OCIAD1: variants seen among roughly 807,000 people sequenced by gnomAD.
OCIAD1 encodes the protein OCIA domain containing 1.
OCIAD1 carries 29 observed loss-of-function variants against 38.9 expected under a neutral mutation model. The ratio of observed to expected loss-of-function variants is 0.74; its 90% CI spans 0.55 to 1.02. The LOEUF (loss-of-function observed/expected upper bound fraction) is 1.02, where lower values mean the gene tolerates loss of function less well. OCIAD1 is among the 50% of genes least tolerant of loss of function. OCIAD1 has a pLI of 0.00. For synonymous variants in OCIAD1, 110 were observed against 92.0 expected (o/e 1.20, Z -1.12); for missense variants, 288 against 289.6 (o/e 0.99, Z 0.04).
chr4:48,817,183 G>A (rs1342527184), intron 1 of OCIAD1, among the ~76,000 whole-genome samples: 1 of 152,230 alleles, frequency 6.6e-6, no homozygotes, highest in Non-Finnish European at 1.5e-5. Context: ...GGAAGTGTAA[G>A]GAGCCAGGAA....
rs1350249858 is a variant in OCIAD1, at chr4:48,815,245, G to A, written c.-103+9915G>A. ...GGAGAATTGCTTGAAACCAGAAGGC[G>A]GAGGTTGCAGTGATCTGAGGTCGCG... On this transcript the variant is annotated intron_variant, in intron 1 of 6. Transcript: ENST00000504654. Among the ~76,000 whole-genome samples the A allele has an allele frequency of 7.9e-5, 12 of 152,272 alleles. No individual in the cohort carries two copies. In the East Asian group the frequency reaches 1.4e-3, roughly 17 times the overall value.
rs552803714 is a variant in OCIAD1, at chr4:48,817,516, C to T, written c.-103+12186C>T. The stretch of plus-strand genomic sequence containing the variant: ...ACTGGGGGGCTGTTTGGGCAGACAC[C>T]GAGCTAACTGCAGAAGTATTTTTTC... On this transcript the variant is annotated intron_variant, in intron 1 of 6. Transcript: ENST00000504654. Among the ~76,000 whole-genome samples the T allele has an allele frequency of 4.4e-4, 67 of 152,110 alleles. No individual in the cohort carries two copies. In the South Asian group the frequency reaches 8.9e-3, roughly 20 times the overall value.
chr4:48,841,431 G>A (rs1778524587), intron 3 of OCIAD1, among the ~76,000 whole-genome samples: 1 of 152,212 alleles, frequency 6.6e-6, no homozygotes, highest in African/African-American at 2.4e-5. Context: ...CTCTTCCCAG[G>A]GAGTGTAAAT....
intron 1 of OCIAD1, among the ~76,000 whole-genome samples, chr4:48,807,469 A>G (rs189390023): frequency 6.6e-6 from 1 of 152,212 alleles, no homozygotes; most frequent in African/African-American, 2.4e-5. Context: ...TGAGGATAAT[A>G]GTACCAAGTA....
At position 48,857,259 on chromosome 4, in the gene OCIAD1, A is replaced by G. The variant is rs1201211174; in HGVS notation, c.594A>G (p.Thr198=). The G allele has an allele frequency of 6.3e-7, 1 of 1,584,724 alleles. No homozygotes were observed. Among genetic ancestry groups the G allele is most frequent in the African/African-American group, 1.4e-5 (1 of 73,436 alleles). ...LEESPKRKNI[T]YEELRNKNRE... ...AAAGTCCTAAAAGAAAAAATATTAC[A>G]TATGAGGAATTAAGGAATAAGAACA... Residue 198 remains threonine, a synonymous_variant, in exon 8 of 9, where the codon ACA becomes ACG. Coordinates refer to ENST00000264312, the MANE Select transcript of OCIAD1 (RefSeq NM_017830.4).
intron 3 of OCIAD1, among the ~76,000 whole-genome samples, chr4:48,840,596 T>G (rs1778422997): frequency 6.6e-6 from 1 of 152,242 alleles, no homozygotes; most frequent in Non-Finnish European, 1.5e-5. Flanking sequence ...CTTAATTACT[T>G]TGGTTCTTAA....
At chr4:48,847,973 A>G (rs115969086) in intron 4 of OCIAD1, among the ~76,000 whole-genome samples, 2,625 of 151,756 alleles carry the variant, frequency 0.017, 74 homozygotes, top group African/African-American at 0.059. Context: ...GGGTCTTTCA[A>G]TTCTCAGTAA....
In OCIAD1 at chr4:48,839,101, A is replaced by G. The variant is rs1327027919; in HGVS notation, c.140-3535A>G. On this transcript the variant is annotated intron_variant, in intron 3 of 8. Coordinates refer to ENST00000264312, the MANE Select transcript of OCIAD1 (RefSeq NM_017830.4). Reference sequence around the variant, plus strand: ...CTGGAGTCTATGAATAATATTTCATATATGTGTACTACTAGTTTTCAAATG... The same window carrying G: ...CTGGAGTCTATGAATAATATTTCATGTATGTGTACTACTAGTTTTCAAATG... Among the ~76,000 whole-genome samples, 4 of 152,326 alleles carry G rather than the reference A, an allele frequency of 2.6e-5. No individual in the cohort carries two copies. In the East Asian group the frequency reaches 5.8e-4, roughly 22 times the overall value.
Position 48,861,094 on chromosome 4 carries a change from G to C in OCIAD1, c.*332G>C, listed in dbSNP as rs1266210955. On this transcript the variant is annotated 3_prime_UTR_variant, in exon 9 of 9. Transcript: ENST00000264312. ...AGAATCAGCATATAAGAAAATAAAT[G>C]ATATCTGCATGTTGAATTGGGGTGG... The C allele has an allele frequency of 4.5e-6, 1 of 223,846 alleles. No homozygotes were observed. The allele number at this position is 223,846 out of a possible 1,614,324, so 13.9% of individuals were successfully genotyped here. A position where few individuals can be genotyped will look rare whatever the true frequency, so the allele number is the denominator to read the frequency against.
chr4:48,854,235 G>T (rs954956459), intron 7 of OCIAD1, among the ~76,000 whole-genome samples: 1 of 152,088 alleles, frequency 6.6e-6, no homozygotes, highest in African/African-American at 2.4e-5. Flanking sequence ...TGATCTAGAT[G>T]GCTACTAAGT....
At chr4:48,842,280 C>A (rs907176897) in intron 3 of OCIAD1, among the ~76,000 whole-genome samples, 2 of 152,140 alleles carry the variant, frequency 1.3e-5, no homozygotes, top group African/African-American at 4.8e-5. Flanking sequence ...TTGTTTCTTA[C>A]CTCTCCTTCA....
intron 7 of OCIAD1, among the ~76,000 whole-genome samples, chr4:48,853,950 T>A (rs975353270): frequency 5.3e-5 from 8 of 152,186 alleles, no homozygotes; most frequent in East Asian, 3.8e-4. Flanking sequence ...CTGATTTTTT[T>A]ATTTTTTTCT....
chr4:48,831,192 G>A lies in OCIAD1; in HGVS notation c.-63G>A, dbSNP rs927922242. On this transcript the variant is annotated 5_prime_UTR_variant, in exon 1 of 9. Transcript: ENST00000264312. The stretch of plus-strand genomic sequence containing the variant: ...GCCCCCTCTCGAGTCCACCCTCCGG[G>A]CCTTCTGCCCCTGATCGCTTGGTTT... 3.0e-6 allele frequency: 1 copy of A among 330,288 alleles called. No homozygotes were observed. The highest frequency in any genetic ancestry group is 4.1e-5 in the Admixed American group (1 of 24,202). 20.5% of individuals were successfully genotyped at this position (330,288 alleles called of 1,614,324 possible).
At chr4:48,857,132 T>C in intron 7 of OCIAD1, 81 bp from the exon 8 acceptor site, 1 of 754,754 alleles carries the variant, frequency 1.3e-6, no homozygotes. Flanking sequence ...GCTCCTTTTG[T>C]AAGGAGCATT....
At chr4:48,811,049 G>A (rs1381818074) in intron 1 of OCIAD1, among the ~76,000 whole-genome samples, 6 of 151,152 alleles carry the variant, frequency 4.0e-5, no homozygotes, top group African/African-American at 1.5e-4. Context: ...TAGAGACAGA[G>A]TTTTGTCATG....
rs1777136752 is a variant in OCIAD1 at position 48,815,687 on chromosome 4, C to T, written c.-103+10357C>T. 2.0e-5 allele frequency among the ~76,000 whole-genome samples: 3 copies of T among 152,334 alleles called. 1 individual carries two copies. In the South Asian group the frequency reaches 6.2e-4, roughly 32 times the overall value. ...GTAAAATTCTCAAATCTCTACTCCACTGGCTTGGAGGAAATCAAACTGTTG... is the reference window on the plus strand; with the variant it reads ...GTAAAATTCTCAAATCTCTACTCCATTGGCTTGGAGGAAATCAAACTGTTG... On this transcript the variant is annotated intron_variant, in intron 1 of 6. Transcript: ENST00000504654.
chr4:48,853,642 C>T (rs1779737646), intron 7 of OCIAD1, among the ~76,000 whole-genome samples: 1 of 152,086 alleles, frequency 6.6e-6, no homozygotes, highest in South Asian at 2.1e-4. Flanking sequence ...AGCCGCTAGC[C>T]ATATGTGGCT....
intron 1 of OCIAD1, among the ~76,000 whole-genome samples, chr4:48,808,570 A>G (rs1229632775): frequency 1.3e-5 from 2 of 152,132 alleles, no homozygotes; most frequent in African/African-American, 2.4e-5. Context: ...AGGACCTTAC[A>G]GAAGAGGCAT....
upstream of OCIAD1, among the ~76,000 whole-genome samples, chr4:48,829,135 C>T (rs1560410481): frequency 6.6e-6 from 1 of 151,880 alleles, no homozygotes; most frequent in African/African-American, 2.4e-5. Flanking sequence ...TGGTGCACAC[C>T]TGTGGTCCCA....
Sources: allele counts gnomAD v4.1 joint callset (sites outside exome capture counted in the v4.1 genomes callset), GRCh38; gene constraint gnomAD v4.1.1; transcripts MANE v1.5; gene names NCBI Gene and HGNC (gene_info 2026-07-23, HGNC 2026-07-21).